C12orf42: variants seen among roughly 807,000 people sequenced by gnomAD.
C12orf42 encodes the protein uncharacterized protein C12orf42.
In C12orf42, 25 loss-of-function variants were observed where a neutral mutation model predicts 21.6. That is an observed-to-expected ratio of 1.16 (90% CI 0.84 to 1.62). The LOEUF is 1.62. Ranked by LOEUF, C12orf42 falls within the 40% of genes most tolerant of loss-of-function variation. C12orf42 has a pLI of 0.00. For missense variants in C12orf42, 483 were observed against 459.3 expected (o/e 1.05, Z -0.47); for synonymous variants, 174 against 175.0 (o/e 0.99, Z 0.05).
the C12orf42 span, among the ~76,000 whole-genome samples, chr12:103,185,692 T>A: frequency 6.6e-6 from 1 of 151,672 alleles, no homozygotes; most frequent in African/African-American, 2.4e-5. Context: ...GTTTCCCCAA[T>A]ACTGTTCTTG....
chr12:103,200,051 T>C, the C12orf42 span, among the ~76,000 whole-genome samples: 2 of 152,022 alleles, frequency 1.3e-5, no homozygotes, highest in Non-Finnish European at 2.9e-5. Context: ...GCAGTTTTAT[T>C]CACAATAGCA....
chr12:103,210,886 G>A, the C12orf42 span, among the ~76,000 whole-genome samples: 44 of 151,980 alleles, frequency 2.9e-4, no homozygotes, highest in Non-Finnish European at 5.4e-4. Flanking sequence ...AGGTACTTGC[G>A]AGGATGAAGC....
intron 4 of C12orf42, among the ~76,000 whole-genome samples, chr12:103,294,568 A>AAAGG (rs763931253): frequency 0.045 from 5,345 of 119,038 alleles, 241 homozygotes; most frequent in Middle Eastern, 0.069. Context: ...AAAGAAAAAG[A>AAAGG]AAGGAAGGAA....
intron 2 of C12orf42, among the ~76,000 whole-genome samples, chr12:103,412,734 T>C (rs1159658516): frequency 6.6e-6 from 1 of 152,244 alleles, no homozygotes; most frequent in Non-Finnish European, 1.5e-5. Flanking sequence ...TGGGCATTTT[T>C]CATATATTTA....
the C12orf42 span, among the ~76,000 whole-genome samples, chr12:103,098,180 A>G: frequency 6.6e-6 from 1 of 152,230 alleles, no homozygotes; most frequent in Non-Finnish European, 1.5e-5. Context: ...TGGCCTCAGA[A>G]TGGAAACCAA....
At chr12:103,403,263 C>G (rs1413053888) in intron 2 of C12orf42, among the ~76,000 whole-genome samples, 1 of 151,988 alleles carries the variant, frequency 6.6e-6, no homozygotes, top group Non-Finnish European at 1.5e-5. Flanking sequence ...GTAGTCCCAG[C>G]TGCTCCGGAG....
intron 10 of C12orf42, among the ~76,000 whole-genome samples, chr12:103,242,460 T>A (rs891395447): frequency 1.3e-5 from 2 of 152,164 alleles, no homozygotes; most frequent in Admixed American, 1.3e-4. Context: ...GAACGAAAAG[T>A]TTATTGGTCT....
At chr12:103,155,848 CAT>C in the C12orf42 span, among the ~76,000 whole-genome samples, 14 of 150,110 alleles carry the variant, frequency 9.3e-5, no homozygotes, top group East Asian at 5.9e-4. Flanking sequence ...TACATATATA[CAT>C]ATATGAGTGT....
At chr12:103,220,956 T>C in the C12orf42 span, among the ~76,000 whole-genome samples, 1 of 152,364 alleles carries the variant, frequency 6.6e-6, no homozygotes, top group South Asian at 2.1e-4. Flanking sequence ...TTTTATAAAC[T>C]TGAATCTCTC....
At chr12:103,060,520 G>A in the C12orf42 span, among the ~76,000 whole-genome samples, 8 of 152,156 alleles carry the variant, frequency 5.3e-5, no homozygotes, top group Admixed American at 2.0e-4. Context: ...GCAGCCAAGA[G>A]AATCCTAAGC....
rs3063699 is a variant in C12orf42 at position 103,281,915 on chromosome 12, AAAAGAAAGAAAGAAAG to A, written n.338-4721_338-4706del. ...AAAGAAAGAAAGAAAAGAAGAAAGA[AAAAGAAAGAAAGAAAG>A]AAAGAAAGAAAGAAAGAAAGAAAGA... On this transcript the variant is annotated intron_variant and non_coding_transcript_variant, in intron 4 of 6. Coordinates refer to the C12orf42 transcript ENST00000546526. Among the ~76,000 whole-genome samples the A allele has an allele frequency of 8.2e-3, 1,163 of 141,940 alleles. 15 individuals carry two copies. The highest frequency in any genetic ancestry group is 0.026 in the African/African-American group (988 of 37,782). 93.1% of individuals were successfully genotyped at this position (141,940 alleles called of 152,430 possible). A position where few individuals can be genotyped will look rare whatever the true frequency, so the allele number is the denominator to read the frequency against.
chr12:103,099,425 C>T, the C12orf42 span, among the ~76,000 whole-genome samples: 1 of 152,116 alleles, frequency 6.6e-6, no homozygotes, highest in Non-Finnish European at 1.5e-5. Context: ...TTTAAAAATC[C>T]AGTGGAGGAA....
At chr12:103,194,233 T>C in the C12orf42 span, among the ~76,000 whole-genome samples, 1 of 151,714 alleles carries the variant, frequency 6.6e-6, no homozygotes, top group Non-Finnish European at 1.5e-5. Context: ...ACAGTGAAAA[T>C]TGAAGAGCTT....
chr12:103,537,659 G>C, the C12orf42 span, among the ~76,000 whole-genome samples: 88 of 152,302 alleles, frequency 5.8e-4, 1 homozygote, highest in East Asian at 0.016. Flanking sequence ...ACCTCCTTTA[G>C]CCCTTCCTTC....
chr12:103,097,659 A>G, the C12orf42 span, among the ~76,000 whole-genome samples: 13 of 152,352 alleles, frequency 8.5e-5, no homozygotes, highest in African/African-American at 2.9e-4. Context: ...TCTCAACCAA[A>G]TTAAGCTAAT....
chr12:103,161,627 G>A, the C12orf42 span: 2 of 152,188 alleles, frequency 1.3e-5, no homozygotes, highest in African/African-American at 4.8e-5. Flanking sequence ...AATAATAAAT[G>A]ATGGTACTGT....
the C12orf42 span, among the ~76,000 whole-genome samples, chr12:103,201,667 A>G: frequency 6.6e-6 from 1 of 152,116 alleles, no homozygotes; most frequent in African/African-American, 2.4e-5. Context: ...ATTGCTCTCA[A>G]TTGGCCGTTG....
chr12:103,228,882 CTCTCACT>C, the C12orf42 span, among the ~76,000 whole-genome samples: 4 of 150,552 alleles, frequency 2.7e-5, no homozygotes, highest in African/African-American at 9.8e-5. Context: ...GAGTTTGCCA[CTCTCACT>C]TCTCACTTGG....
intron 5 of C12orf42, among the ~76,000 whole-genome samples, chr12:103,276,474 T>C (rs2035778687): frequency 6.6e-6 from 1 of 152,136 alleles, no homozygotes. Flanking sequence ...CCCATCCCAT[T>C]GTTCGCAAGT....
Sources: allele counts gnomAD v4.1 joint callset (sites outside exome capture counted in the v4.1 genomes callset), GRCh38; gene constraint gnomAD v4.1.1; transcripts MANE v1.5; gene names NCBI Gene and HGNC (gene_info 2026-07-23, HGNC 2026-07-21).